Variants in ATP8A2 observed in about 807,000 individuals in gnomAD.
ATP8A2 encodes phospholipid-transporting ATPase IB.
ATP8A2 carries 100 observed loss-of-function variants against 165.6 expected under a neutral mutation model. The observed-to-expected ratio is 0.60, with a 90% CI of 0.51 to 0.71. The LOEUF (loss-of-function observed/expected upper bound fraction) is 0.71. Among genes scored for constraint, ATP8A2 ranks in the 30% least tolerant of loss-of-function variants. The probability of loss-of-function intolerance (pLI) is 0.00; values close to 1 mark genes in which losing one functional copy is unlikely to be tolerated. For missense variants in ATP8A2, 1,227 were observed against 1,479.5 expected (o/e 0.83, Z 2.80); for synonymous variants, 543 against 548.8 (o/e 0.99, Z 0.15).
At chr13:25,566,586 C>G (rs186958641) in intron 16 of ATP8A2, among the ~76,000 whole-genome samples, 1 of 152,214 alleles carries the variant, frequency 6.6e-6, no homozygotes, top group Admixed American at 6.5e-5. Flanking sequence ...TCCAGTTTCA[C>G]GAGCTTGCTT....
intron 27 of ATP8A2, among the ~76,000 whole-genome samples, chr13:25,807,139 C>T (rs1950757771): frequency 7.7e-6 from 1 of 129,500 alleles, no homozygotes; most frequent in Non-Finnish European, 1.6e-5. Context: ...GTTGTCTTTT[C>T]ACCTTCTTTA....
chr13:25,570,919 C>G (rs772416288), intron 17 of ATP8A2, 47 bp downstream of exon 17: 2 of 1,376,068 alleles, frequency 1.5e-6, no homozygotes. Flanking sequence ...TCTCAGGACA[C>G]CTGGGTGTTG....
chr13:25,614,103 A>C (rs879377073), intron 24 of ATP8A2, among the ~76,000 whole-genome samples: 5 of 152,162 alleles, frequency 3.3e-5, no homozygotes, highest in Admixed American at 1.3e-4. Context: ...AGTTTTCCTC[A>C]ATTATTCCCT....
At chr13:25,813,386 TG>T (rs1950926591) in intron 27 of ATP8A2, among the ~76,000 whole-genome samples, 2 of 94,694 alleles carry the variant, frequency 2.1e-5, no homozygotes, top group South Asian at 2.6e-4. Flanking sequence ...TGATGATATA[TG>T]ATATGATATG....
rs1952327755 is a variant in ATP8A2 at position 25,860,865 on chromosome 13, G to A, written c.3075+5G>A. On this transcript the variant is annotated splice_donor_5th_base_variant and intron_variant, in intron 32 of 36. Coordinates refer to ENST00000381655, the MANE Select transcript of ATP8A2 (RefSeq NM_016529.6). ...GAGACCACAGCTTGGACTAAAGTAAGTTTTCTCTAGAATTGTTTCTCTGTT... is the reference window on the plus strand; with the variant it reads ...GAGACCACAGCTTGGACTAAAGTAAATTTTCTCTAGAATTGTTTCTCTGTT... 6.4e-7 allele frequency: 1 copy of A among 1,574,652 alleles called. No individual in the cohort carries two copies.
chr13:25,606,837 C>A (rs1404776388), intron 24 of ATP8A2, among the ~76,000 whole-genome samples: 1 of 152,124 alleles, frequency 6.6e-6, no homozygotes, highest in Admixed American at 6.5e-5. Flanking sequence ...GAGGAACTAT[C>A]AATTTTAAGT....
At position 25,774,942 on chromosome 13, in the gene ATP8A2, G is replaced by T; in HGVS notation, c.2662G>T (p.Val888Phe). The T allele has an allele frequency of 1.2e-6, 2 of 1,607,194 alleles. No individual in the cohort carries two copies. Among genetic ancestry groups the T allele is most frequent in the Non-Finnish European group, 1.7e-6 (2 of 1,174,166 alleles). ...CILYCFYKNV[V>F]LYIIELWFAF... Reference sequence around the variant, plus strand: ...CTTGTACTGCTTCTATAAGAACGTGGTCCTGTATATTATTGAGGTAAGAAG... The same window carrying T: ...CTTGTACTGCTTCTATAAGAACGTGTTCCTGTATATTATTGAGGTAAGAAG... The change falls in exon 27 of 37, where the codon GTC becomes TTC. Residue 888 changes from valine to phenylalanine, a missense_variant. By Grantham distance (50) the Val-to-Phe change is conservative. Around this residue, in one of 5 missense-constraint regions of ATP8A2, gnomAD observed 592 missense variants for 785.6 expected, o/e 0.75. Transcript: ENST00000381655.
chr13:25,585,140 T>A (rs1486280390), intron 23 of ATP8A2, among the ~76,000 whole-genome samples: 1 of 152,222 alleles, frequency 6.6e-6, no homozygotes, highest in African/African-American at 2.4e-5. Flanking sequence ...TCATCTTGTG[T>A]ATAGGTTTTA....
At chr13:26,015,594 GA>G (rs201613602) in intron 36 of ATP8A2, among the ~76,000 whole-genome samples, 18 of 150,160 alleles carry the variant, frequency 1.2e-4, no homozygotes, top group Middle Eastern at 3.4e-3. Flanking sequence ...CCAAAATAAT[GA>G]AAAAAAAAGA....
intron 33 of ATP8A2, among the ~76,000 whole-genome samples, chr13:25,956,817 A>G (rs1305856127): frequency 1.3e-5 from 2 of 152,224 alleles, no homozygotes; most frequent in East Asian, 1.9e-4. Context: ...AGCCAAGACA[A>G]TCCTAAGCAA....
intron 2 of ATP8A2, among the ~76,000 whole-genome samples, chr13:25,485,516 T>A (rs923340912): frequency 1.3e-5 from 2 of 152,268 alleles, no homozygotes; most frequent in Admixed American, 1.3e-4. Context: ...TCACTGGGCC[T>A]ACACATGAAC....
chr13:25,418,917 G>A lies in ATP8A2; in HGVS notation c.76+46629G>A, dbSNP rs189694287. Among the ~76,000 whole-genome samples, 10 of 152,104 alleles carry A rather than the reference G, an allele frequency of 6.6e-5. No homozygotes were observed. The East Asian group carries it at 7.7e-4, about 12-fold the overall frequency. ...GGCTGCTCTGAGATTTCTCATCTGG[G>A]TCTTTGTGTCAAAAACAGAACCACA... On this transcript the variant is annotated intron_variant, in intron 1 of 36. Transcript: ENST00000381655.
chr13:25,618,542 G>T (rs2040884200), intron 24 of ATP8A2, among the ~76,000 whole-genome samples: 1 of 152,034 alleles, frequency 6.6e-6, no homozygotes, highest in Non-Finnish European at 1.5e-5. Context: ...CCATGTTTAG[G>T]ATGCTTGAAA....
chr13:26,002,515 G>A (rs1171736470), intron 35 of ATP8A2, among the ~76,000 whole-genome samples: 3 of 150,460 alleles, frequency 2.0e-5, no homozygotes, highest in Non-Finnish European at 4.4e-5. Context: ...GTATACATAT[G>A]TAACAAACCT....
intron 33 of ATP8A2, among the ~76,000 whole-genome samples, chr13:25,937,351 ATTCT>A (rs200131293): frequency 1.3e-5 from 1 of 77,768 alleles, no homozygotes; most frequent in Non-Finnish European, 2.5e-5. Flanking sequence ...TTGTCTTTCT[ATTCT>A]TTCTTTCTTT....
At chr13:25,596,112 T>A (rs61947462) in intron 24 of ATP8A2, among the ~76,000 whole-genome samples, 1 of 152,136 alleles carries the variant, frequency 6.6e-6, no homozygotes, top group Non-Finnish European at 1.5e-5. Flanking sequence ...GACTTTGTCT[T>A]GACCTCTGAT....
Position 25,563,998 on chromosome 13 carries a change from C to G in ATP8A2, c.1440C>G (p.Asp480Glu). 2 of 1,613,150 alleles carry G rather than the reference C, an allele frequency of 1.2e-6. No individual in the cohort carries two copies. The highest frequency in any genetic ancestry group is 1.7e-6 in the Non-Finnish European group (2 of 1,179,170). ...GTAGTGATTCCTGTGACTTTGATGA[C>G]CCCAGGCTGTTGAAGAACATTGAGG... ...PPCSDSCDFD[D>E]PRLLKNIEDR... The change falls in exon 16 of 37, where the codon GAC becomes GAG. Residue 480 changes from aspartate to glutamate, a missense_variant. Physicochemically the swap from Asp to Glu is conservative, Grantham distance 45. This residue lies in a region of ATP8A2 where 592 missense variants were observed against 785.6 expected (regional missense o/e 0.75). Coordinates refer to ENST00000381655, the MANE Select transcript of ATP8A2 (RefSeq NM_016529.6).
intron 4 of ATP8A2, 93 bp from the exon 5 acceptor site, chr13:25,532,179 G>A: frequency 1.0e-6 from 1 of 988,678 alleles, no homozygotes; most frequent in South Asian, 1.5e-5. Context: ...TAGTTTCCTT[G>A]TCCCCTGTAA....
intron 35 of ATP8A2, among the ~76,000 whole-genome samples, chr13:25,971,553 G>T (rs1056180806): frequency 1.3e-5 from 2 of 151,964 alleles, no homozygotes; most frequent in Admixed American, 6.6e-5. Flanking sequence ...TAACCGCACA[G>T]GAAACTCTGT....
Sources: gnomAD v4.1 joint callset for allele counts (sites outside exome capture counted in the v4.1 genomes callset) on GRCh38, gnomAD v4.1.1 for gene constraint, gnomAD v4.1.1 regional missense constraint, MANE v1.5 for transcripts, NCBI Gene and HGNC (gene_info 2026-07-23, HGNC 2026-07-21) for gene names.